SV2C: variants seen among roughly 807,000 people sequenced by gnomAD.
SV2C encodes synaptic vesicle glycoprotein 2C, also known as solute carrier family 22 member B3.
Under a neutral mutation model 79.7 loss-of-function variants are expected in SV2C, and 49 were observed. The ratio of observed to expected loss-of-function variants is 0.61; its 90% confidence interval spans 0.49 to 0.78. The LOEUF (loss-of-function observed/expected upper bound fraction) is 0.78. SV2C is among the 30% of genes least tolerant of loss of function. The probability of loss-of-function intolerance (pLI) is 0.00; values close to 1 mark genes in which losing one functional copy is unlikely to be tolerated. For missense variants in SV2C, 833 were observed against 912.9 expected (o/e 0.91, Z 1.13); for synonymous variants, 334 against 333.2 (o/e 1.00, Z -0.03).
the SV2C span, chr5:75,910,446 C>T: frequency 1.7e-6 from 1 of 602,054 alleles, no homozygotes; most frequent in Non-Finnish European, 3.1e-6. Flanking sequence ...TCATGCATCA[C>T]TTCAGCTGCA....
the SV2C span, among the ~76,000 whole-genome samples, chr5:75,885,794 A>G: frequency 6.6e-6 from 1 of 152,068 alleles, no homozygotes; most frequent in East Asian, 1.9e-4. Flanking sequence ...TAGGGTAAAC[A>G]TCTCAGACTC....
the SV2C span, among the ~76,000 whole-genome samples, chr5:75,905,230 T>C: frequency 6.6e-6 from 1 of 152,200 alleles, no homozygotes. Context: ...TACCTCTATT[T>C]TTTCATTTGC....
chr5:75,945,525 C>T, the SV2C span, among the ~76,000 whole-genome samples: 1 of 151,760 alleles, frequency 6.6e-6, no homozygotes, highest in Non-Finnish European at 1.5e-5. Context: ...CACCATGTTG[C>T]TCAGGCTGGT....
the SV2C span, among the ~76,000 whole-genome samples, chr5:75,933,693 C>T: frequency 1.3e-5 from 2 of 152,218 alleles, no homozygotes; most frequent in Non-Finnish European, 2.9e-5. Context: ...ACCATCTTGG[C>T]TCCAGGCCAA....
intron 4 of SV2C, among the ~76,000 whole-genome samples, chr5:76,279,196 A>G (rs1431041929): frequency 6.6e-6 from 1 of 152,232 alleles, no homozygotes; most frequent in African/African-American, 2.4e-5. Context: ...TCCATTTTAG[A>G]CATGGTAACT....
At chr5:76,175,272 C>T (rs1451512840) in intron 2 of SV2C, among the ~76,000 whole-genome samples, 2 of 152,142 alleles carry the variant, frequency 1.3e-5, no homozygotes, top group South Asian at 2.1e-4. Flanking sequence ...AGTTTGCCAA[C>T]GACAGGTAGG....
At chr5:76,197,707 C>CAGATAGATAGATAGATAGAT (rs4026946) in intron 3 of SV2C, among the ~76,000 whole-genome samples, 33,264 of 145,346 alleles carry the variant, frequency 0.23, 4,065 homozygotes, top group East Asian at 0.28. Context: ...GATAGACAGG[C>CAGATAGATAGATAGATAGAT]AGATAGATAG....
chr5:75,975,921 C>T, the SV2C span, among the ~76,000 whole-genome samples: 1 of 152,092 alleles, frequency 6.6e-6, no homozygotes, highest in African/African-American at 2.4e-5. Context: ...ATTATGCTTT[C>T]CTGTTCATAA....
intron 1 of SV2C, among the ~76,000 whole-genome samples, chr5:76,111,514 C>T (rs909283008): frequency 1.3e-5 from 2 of 152,006 alleles, no homozygotes; most frequent in South Asian, 2.1e-4. Flanking sequence ...AGTGCATTTC[C>T]ATTTAGAGAG....
chr5:76,299,981 A>G (rs1747925288), intron 10 of SV2C, among the ~76,000 whole-genome samples: 1 of 152,064 alleles, frequency 6.6e-6, no homozygotes, highest in Admixed American at 6.6e-5. Flanking sequence ...TAGACTTTAA[A>G]TTATAAATTC....
At chr5:76,053,438 C>T in the SV2C span, among the ~76,000 whole-genome samples, 25 of 152,106 alleles carry the variant, frequency 1.6e-4, no homozygotes, top group African/African-American at 5.3e-4. Context: ...AGCTTCTAGT[C>T]GTGGACTGGG....
At chr5:76,352,077 G>T (rs770119348) in intron 12 of SV2C, among the ~76,000 whole-genome samples, 1 of 152,148 alleles carries the variant, frequency 6.6e-6, no homozygotes, top group Non-Finnish European at 1.5e-5. Context: ...GCTGGGCATG[G>T]TGGTGGGCAC....
chr5:76,195,784 A>G (rs1171277055), intron 3 of SV2C, among the ~76,000 whole-genome samples: 2 of 152,210 alleles, frequency 1.3e-5, no homozygotes, highest in Non-Finnish European at 2.9e-5. Flanking sequence ...CATAGTAAAA[A>G]TATAAAATTT....
the SV2C span, among the ~76,000 whole-genome samples, chr5:75,940,443 A>T: frequency 9.0e-6 from 1 of 111,628 alleles, no homozygotes; most frequent in Non-Finnish European, 1.8e-5. Flanking sequence ...TCGCCTGTGC[A>T]GTCAGGTTTT....
At chr5:76,164,604 C>T (rs1037217003) in intron 2 of SV2C, among the ~76,000 whole-genome samples, 8 of 152,140 alleles carry the variant, frequency 5.3e-5, no homozygotes, top group Non-Finnish European at 7.3e-5. Flanking sequence ...AATACCAAGG[C>T]TTTTTCAACT....
chr5:75,966,617 C>A, the SV2C span, among the ~76,000 whole-genome samples: 3 of 152,186 alleles, frequency 2.0e-5, no homozygotes, highest in Non-Finnish European at 4.4e-5. Context: ...CCTTAATTTG[C>A]ATGTAATTAA....
At chr5:75,856,037 G>A in the SV2C span, among the ~76,000 whole-genome samples, 5 of 152,090 alleles carry the variant, frequency 3.3e-5, no homozygotes, top group Admixed American at 2.6e-4. Flanking sequence ...GAGTCTGAAC[G>A]TGTAAGTTTA....
At chr5:76,211,330 T>A (rs1410540521) in intron 4 of SV2C, among the ~76,000 whole-genome samples, 1 of 152,244 alleles carries the variant, frequency 6.6e-6, no homozygotes, top group Non-Finnish European at 1.5e-5. Flanking sequence ...GTTGCATGTT[T>A]CTGAGCAATA....
chr5:76,059,991 G>A, the SV2C span, among the ~76,000 whole-genome samples: 1 of 152,096 alleles, frequency 6.6e-6, no homozygotes, highest in Non-Finnish European at 1.5e-5. Flanking sequence ...TAGGTGCATT[G>A]TCAATGAGCA....
Sources: allele counts gnomAD v4.1 joint callset (sites outside exome capture counted in the v4.1 genomes callset), GRCh38; gene constraint gnomAD v4.1.1; transcripts MANE v1.5; gene names NCBI Gene and HGNC (gene_info 2026-07-23, HGNC 2026-07-21).